C1GALT1: variants seen among roughly 807,000 people sequenced by gnomAD.
C1GALT1 encodes the protein glycoprotein-N-acetylgalactosamine 3-beta-galactosyltransferase 1.
In C1GALT1, 11 loss-of-function variants were observed where a neutral mutation model predicts 31.0. The observed-to-expected ratio is 0.36, with a 90% CI of 0.22 to 0.59. The LOEUF is 0.59. C1GALT1 is among the 20% of genes least tolerant of loss of function. The pLI is 0.79. For missense variants in C1GALT1, 424 were observed against 425.2 expected (o/e 1.00, Z 0.03); for synonymous variants, 175 against 143.6 (o/e 1.22, Z -1.56).
chr7:7,225,162 C>CTT (rs1782698748), intron 1 of C1GALT1, among the ~76,000 whole-genome samples: 1 of 152,024 alleles, frequency 6.6e-6, no homozygotes, highest in Admixed American at 6.6e-5. Flanking sequence ...TTATTGTGCT[C>CTT]TTTTTGTTGA....
At chr7:7,217,385 A>C (rs1782295350) in intron 1 of C1GALT1, among the ~76,000 whole-genome samples, 1 of 151,652 alleles carries the variant, frequency 6.6e-6, no homozygotes, top group Non-Finnish European at 1.5e-5. Context: ...TTTTTAAGAG[A>C]CATGGTCTTG....
chr7:7,222,731 T>C (rs77050745), intron 1 of C1GALT1, among the ~76,000 whole-genome samples: 1 of 152,234 alleles, frequency 6.6e-6, no homozygotes, highest in African/African-American at 2.4e-5. Flanking sequence ...AATGGCGTTA[T>C]AGTTTTTAAG....
chr7:7,194,459 T>C (rs1040568653), intron 1 of C1GALT1, among the ~76,000 whole-genome samples: 4 of 152,178 alleles, frequency 2.6e-5, no homozygotes, highest in Non-Finnish European at 5.9e-5. Flanking sequence ...TAATTGTTTA[T>C]GTGGTACATC....
intron 1 of C1GALT1, among the ~76,000 whole-genome samples, chr7:7,224,187 G>A (rs1452247310): frequency 6.6e-6 from 1 of 151,362 alleles, no homozygotes; most frequent in African/African-American, 2.4e-5. Flanking sequence ...TTAAGTATTA[G>A]TACTTAACAT....
At chr7:7,209,771 T>C (rs1419613265) in intron 1 of C1GALT1, among the ~76,000 whole-genome samples, 1 of 152,218 alleles carries the variant, frequency 6.6e-6, no homozygotes, top group African/African-American at 2.4e-5. Context: ...ACAGGCTTTG[T>C]GTGAACAATA....
intron 1 of C1GALT1, among the ~76,000 whole-genome samples, chr7:7,212,706 G>T (rs73045741): frequency 6.6e-6 from 1 of 152,032 alleles, no homozygotes; most frequent in Non-Finnish European, 1.5e-5. Flanking sequence ...ATTTTTTGTG[G>T]GTAAGGGATG....
chr7:7,242,442 T>G (rs1480594424), intron 3 of C1GALT1, among the ~76,000 whole-genome samples: 1 of 152,068 alleles, frequency 6.6e-6, no homozygotes, highest in Non-Finnish European at 1.5e-5. Flanking sequence ...AGTGGACAGT[T>G]TGATAATTTT....
At chr7:7,221,494 C>T (rs1782510597) in intron 1 of C1GALT1, among the ~76,000 whole-genome samples, 1 of 152,044 alleles carries the variant, frequency 6.6e-6, no homozygotes, top group Non-Finnish European at 1.5e-5. Flanking sequence ...CTTTTTCTTT[C>T]TTATCAGAGC....
intron 1 of C1GALT1, among the ~76,000 whole-genome samples, chr7:7,183,242 C>A (rs1174144136): frequency 6.6e-6 from 1 of 152,074 alleles, no homozygotes; most frequent in Admixed American, 6.5e-5. Context: ...CCTCCCCGCC[C>A]CGCCGCAGAC....
At chr7:7,176,683 T>C (rs1780509471) in intron 2 of C1GALT1, among the ~76,000 whole-genome samples, 1 of 152,244 alleles carries the variant, frequency 6.6e-6, no homozygotes, top group Non-Finnish European at 1.5e-5. Context: ...TTTTTTTCTT[T>C]ATTTCTTCCT....
chr7:7,229,002 T>C (rs1206539089), intron 1 of C1GALT1, among the ~76,000 whole-genome samples: 1 of 152,186 alleles, frequency 6.6e-6, no homozygotes, highest in African/African-American at 2.4e-5. Flanking sequence ...ATGTTAGTAT[T>C]CATAGTTGAT....
rs1004147284 is a variant in C1GALT1, at chr7:7,246,970, A to C, written c.*3243A>C. On this transcript the variant is annotated 3_prime_UTR_variant, in exon 4 of 4. Transcript: ENST00000436587. The stretch of plus-strand genomic sequence containing the variant: ...TGACTAACATCAGGGCCTACAATAA[A>C]ATCTGTAATTCTCCAAGTTTAGTAA... The C allele has an allele frequency of 2.6e-5, 4 of 152,202 alleles. No individual in the cohort carries two copies. The highest frequency in any genetic ancestry group is 9.6e-5 in the African/African-American group (4 of 41,456). 9.4% of individuals were successfully genotyped at this position (152,202 alleles called of 1,614,324 possible). A position where few individuals can be genotyped will look rare whatever the true frequency, so the allele number is the denominator to read the frequency against.
chr7:7,163,530 C>T (rs2128226621), intron 2 of C1GALT1, among the ~76,000 whole-genome samples: 1 of 152,240 alleles, frequency 6.6e-6, no homozygotes, highest in East Asian at 1.9e-4. Flanking sequence ...CAAATTGTTC[C>T]TGTTTGCAGA....
chr7:7,210,809 A>C (rs1408930073), intron 1 of C1GALT1, among the ~76,000 whole-genome samples: 1 of 152,220 alleles, frequency 6.6e-6, no homozygotes, highest in African/African-American at 2.4e-5. Flanking sequence ...CCCAGTTTCT[A>C]ATGGCCTAAA....
rs189938993 is a variant in C1GALT1, at chr7:7,173,388, G to T, written c.-18+15962G>T. ...CATCATGCTTCCTGTAAAGACTGCA[G>T]AACCATGAGCCAGTTAAACCTCTTT... On this transcript the variant is annotated intron_variant, in intron 2 of 3. Transcript: ENST00000429911. Among the ~76,000 whole-genome samples the T allele has an allele frequency of 1.5e-3, 233 of 152,136 alleles. 2 individuals are homozygous for T. Among genetic ancestry groups the T allele is most frequent in the Middle Eastern group, 0.01 (3 of 294 alleles).
intron 3 of C1GALT1, among the ~76,000 whole-genome samples, chr7:7,241,244 T>C (rs1422752846): frequency 6.6e-6 from 1 of 152,058 alleles, no homozygotes; most frequent in Non-Finnish European, 1.5e-5. Context: ...CTGATTTTTT[T>C]AAATTGTTAA....
chr7:7,170,828 A>G (rs954855599), intron 2 of C1GALT1, among the ~76,000 whole-genome samples: 7 of 152,130 alleles, frequency 4.6e-5, no homozygotes, highest in South Asian at 4.1e-4. Context: ...GTGTGTTTTC[A>G]TTTTCATTAT....
At chr7:7,192,161 T>C (rs1344101302) in intron 1 of C1GALT1, among the ~76,000 whole-genome samples, 31 of 152,092 alleles carry the variant, frequency 2.0e-4, no homozygotes. Context: ...TTTATTTCAA[T>C]AGGCTTTTGG....
At chr7:7,219,729 A>G (rs1334492054) in intron 1 of C1GALT1, among the ~76,000 whole-genome samples, 1 of 152,178 alleles carries the variant, frequency 6.6e-6, no homozygotes, top group Non-Finnish European at 1.5e-5. Context: ...AAATATTAGA[A>G]GCATTTTAAG....
Sources: allele counts gnomAD v4.1 joint callset (sites outside exome capture counted in the v4.1 genomes callset), GRCh38; gene constraint gnomAD v4.1.1; transcripts MANE v1.5; gene names NCBI Gene and HGNC (gene_info 2026-07-23, HGNC 2026-07-21).